Variants in AAAS observed in about 807,000 individuals in gnomAD.
AAAS encodes aladin.
A neutral mutation model predicts 75.6 loss-of-function variants in AAAS; 60 were observed. The observed-to-expected ratio is 0.79, with a 90% CI of 0.64 to 0.98. The LOEUF (loss-of-function observed/expected upper bound fraction) is 0.98, where lower values mean the gene tolerates loss of function less well. Ranked by LOEUF, AAAS falls within the 50% of genes least tolerant of loss-of-function variation. The pLI is 0.00. For synonymous variants in AAAS, 271 were observed against 265.0 expected (o/e 1.02, Z -0.22); for missense variants, 658 against 686.9 (o/e 0.96, Z 0.47).
At chr12:53,308,667 C>T (rs1445561098) in intron 11 of AAAS, 58 bp downstream of exon 11, 1 of 1,605,568 alleles carries the variant, frequency 6.2e-7, no homozygotes, top group East Asian at 2.2e-5. Flanking sequence ...CTGCATCTTA[C>T]CAAAGGTTGC....
chr12:53,314,497 C>G, intron 6 of AAAS, 56 bp from the exon 7 acceptor site: 1 of 1,609,450 alleles, frequency 6.2e-7, no homozygotes, highest in Non-Finnish European at 8.5e-7. Context: ...GCTCCAGGGA[C>G]CAGAGTGCAG....
chr12:53,311,715 G>A (rs1318502494), intron 7 of AAAS, among the ~76,000 whole-genome samples: 1 of 152,070 alleles, frequency 6.6e-6, no homozygotes, highest in African/African-American at 2.4e-5. Flanking sequence ...AAGAGTTTGA[G>A]ACCAGCCTGG....
chr12:53,315,996 C>A (rs1218265572), intron 2 of AAAS, among the ~76,000 whole-genome samples: 2 of 152,208 alleles, frequency 1.3e-5, no homozygotes, highest in Non-Finnish European at 2.9e-5. Context: ...ACAACCAAGG[C>A]TCAGAGGACT....
chr12:53,315,150 C>G lies in AAAS; in HGVS notation c.400-10G>C, dbSNP rs774041614. On this transcript the variant is annotated splice_polypyrimidine_tract_variant and intron_variant, in intron 4 of 15. Coordinates refer to ENST00000209873, the MANE Select transcript of AAAS (RefSeq NM_015665.6). ...GATCTTCGCTCCTGAGCTGTAAGAA[C>G]AAGATAGACACAGGACACACTGGGG... 7.4e-6 allele frequency: 12 copies of G among 1,614,010 alleles called. No homozygotes were observed. The highest frequency in any genetic ancestry group is 2.7e-5 in the African/African-American group (2 of 74,896).
rs769407019 is a variant in AAAS at position 53,321,370 on chromosome 12, C to G, written c.96G>C (p.Glu32Asp). The G allele has an allele frequency of 6.2e-7, 1 of 1,613,976 alleles. No individual in the cohort carries two copies. The highest frequency in any genetic ancestry group is 1.3e-5 in the African/African-American group (1 of 74,952). The change falls in exon 1 of 16, where the codon GAG becomes GAC. Residue 32 changes from glutamate to aspartate, a missense_variant. Transcript: ENST00000209873. The stretch of plus-strand genomic sequence containing the variant: ...GGCCCCGGAAGTCGGGGGGCGGGCT[C>G]TCATAGCTACTGCCCGTCACCAGCT... Reference protein sequence around the residue: ...NNELVTGSSYESPPPDFRGQW... With the variant: ...NNELVTGSSYDSPPPDFRGQW...
intron 7 of AAAS, among the ~76,000 whole-genome samples, chr12:53,311,843 G>A (rs1428814807): frequency 1.3e-5 from 2 of 151,992 alleles, no homozygotes; most frequent in African/African-American, 2.4e-5. Context: ...GAACCCAGGA[G>A]GCAGAGGTTG....
At chr12:53,309,538 C>G (rs914334031) in intron 8 of AAAS, 63 bp downstream of exon 8, 2 of 1,611,456 alleles carry the variant, frequency 1.2e-6, no homozygotes, top group Non-Finnish European at 1.7e-6. Context: ...GATGTTTCCA[C>G]AACCGAGTGA....
At chr12:53,309,861 G>A (rs974521117) in intron 7 of AAAS, 140 bp from the exon 8 acceptor site, 4 of 1,334,874 alleles carry the variant, frequency 3.0e-6, no homozygotes, top group African/African-American at 2.9e-5. Flanking sequence ...AAAGGAATAA[G>A]GATTGTGAAA....
intron 5 of AAAS, 107 bp downstream of exon 5, chr12:53,314,987 A>G: frequency 6.7e-7 from 1 of 1,493,796 alleles, no homozygotes; most frequent in Non-Finnish European, 9.3e-7. Context: ...AGGAATGAGA[A>G]TATGGTGAGC....
In AAAS at chr12:53,308,468, TCAGA is replaced by T. The variant is rs770214071; in HGVS notation, c.1144_1147del (p.Ser382ArgfsTer33). ...ACCATCTGGTGTCTGTATTGTTGTC[TCAGA>T]CAGATCTGCCACAATCGTTGCTGAC... On this transcript the variant is annotated frameshift_variant, in exon 12 of 16. Transcript: ENST00000209873. LOFTEE classifies it high-confidence loss of function. 6.0e-5 allele frequency: 97 copies of T among 1,614,070 alleles called. 1 individual carries two copies. Among genetic ancestry groups the T allele is most frequent in the Non-Finnish European group, 7.1e-5 (84 of 1,180,046 alleles).
chr12:53,315,017 G>A (rs2136811286), intron 5 of AAAS, 77 bp downstream of exon 5: 1 of 1,543,496 alleles, frequency 6.5e-7, no homozygotes, highest in Non-Finnish European at 9.0e-7. Flanking sequence ...AGGAGTAGGA[G>A]TCTTTGCCTT....
In AAAS at chr12:53,308,470, A is replaced by C; in HGVS notation, c.1146T>G (p.Ser382=). The stretch of plus-strand genomic sequence containing the variant: ...CATCTGGTGTCTGTATTGTTGTCTC[A>C]GACAGATCTGCCACAATCGTTGCTG... ...AKSATIVADL[S]ETTIQTPDGE... Residue 382 remains serine (S), a synonymous_variant, in exon 12 of 16, where the codon TCT becomes TCG. Transcript: ENST00000209873. 6.2e-7 allele frequency: 1 copy of C among 1,613,988 alleles called. No individual in the cohort carries two copies. Among genetic ancestry groups the C allele is most frequent in the African/African-American group, 1.3e-5 (1 of 75,038 alleles).
In AAAS at chr12:53,308,993, A is replaced by G. The variant is rs1193537580; in HGVS notation, c.963T>C (p.Cys321=). 9 of 1,614,060 alleles carry G rather than the reference A, an allele frequency of 5.6e-6. No individual in the cohort carries two copies. Among genetic ancestry groups the G allele is most frequent in the Non-Finnish European group, 7.6e-6 (9 of 1,180,022 alleles). ...FRVWEAQMWT[C]ERWPTLSGRC... ...GCCCTGATAGAGTAGGCCACCTCTCACAAGTCCACATCTGGGCCTCCCAGA... is the reference window on the plus strand; with the variant it reads ...GCCCTGATAGAGTAGGCCACCTCTCGCAAGTCCACATCTGGGCCTCCCAGA... Residue 321 remains cysteine (C), a synonymous_variant, in exon 10 of 16, where the codon TGT becomes TGC. Transcript: ENST00000209873.
rs149295359 is a variant in AAAS at position 53,315,598 on chromosome 12, G to C, written c.307+129C>G. 2.9e-4 allele frequency: 371 copies of C among 1,292,598 alleles called. No individual in the cohort carries two copies. The African/African-American group carries it at 4.7e-3, about 16-fold the overall frequency. The allele number at this position is 1,292,598 out of a possible 1,614,324, so 80.1% of individuals were successfully genotyped here. ...TGGACACCCACTCTGGGTTATTTGG[G>C]TAGGTAGAGGAGAGGACAGGAAAAA... On this transcript the variant is annotated intron_variant, in intron 3 of 15. Transcript: ENST00000209873.
intron 2 of AAAS, among the ~76,000 whole-genome samples, chr12:53,316,076 G>C (rs565862161): frequency 3.0e-4 from 45 of 152,316 alleles, no homozygotes; most frequent in Middle Eastern, 3.4e-3. Context: ...GCCATGGAAG[G>C]GTTCTAAGGA....
At chr12:53,319,263 C>T (rs1944514777) in intron 2 of AAAS, among the ~76,000 whole-genome samples, 1 of 151,790 alleles carries the variant, frequency 6.6e-6, no homozygotes, top group African/African-American at 2.4e-5. Context: ...TCTTGGCTCA[C>T]TACAACCTCC....
At position 53,307,707 on chromosome 12, in the gene AAAS, A is replaced by C. The variant is rs768875274; in HGVS notation, c.1423T>G (p.Ser475Ala). 3 of 1,614,096 alleles carry C rather than the reference A, an allele frequency of 1.9e-6. No individual in the cohort carries two copies. The highest frequency in any genetic ancestry group is 1.7e-5 in the Admixed American group (1 of 60,014). ...GGGATGTGGGCAATTCGGCCTGTGG[A>C]CCAGCCCTGCAGAGAAGGGAAAGAA... is the stretch of plus-strand genomic sequence containing the variant. ...NKGALLSVGW[S>A]TGRIAHIPLY... The change falls in exon 16 of 16, where the codon TCC (serine) becomes GCC (alanine). Residue 475 changes from serine (S) to alanine (A), a missense_variant. By Grantham distance (99) the Ser-to-Ala change is moderately conservative (BLOSUM62 1). Transcript: ENST00000209873.
chr12:53,318,807 A>C (rs1163526315), intron 2 of AAAS, among the ~76,000 whole-genome samples: 2 of 152,218 alleles, frequency 1.3e-5, no homozygotes, highest in East Asian at 3.9e-4. Flanking sequence ...GGTCTGATGC[A>C]TCAACTGGAA....
chr12:53,319,009 G>T (rs1049812823), intron 2 of AAAS, among the ~76,000 whole-genome samples: 1 of 152,132 alleles, frequency 6.6e-6, no homozygotes, highest in Non-Finnish European at 1.5e-5. Flanking sequence ...ATCAAAGCTT[G>T]ACAGCACATG....
Sources: gnomAD v4.1 joint callset for allele counts (sites outside exome capture counted in the v4.1 genomes callset) on GRCh38, gnomAD v4.1.1 for gene constraint, MANE v1.5 for transcripts, NCBI Gene and HGNC (gene_info 2026-07-23, HGNC 2026-07-21) for gene names.